NTM: variants seen among roughly 807,000 people sequenced by gnomAD.
NTM encodes neurotrimin, also known as IgLON family member 2.
In NTM, 13 loss-of-function variants were observed where a neutral mutation model predicts 42.1. That is an observed-to-expected ratio of 0.31 (90% CI 0.20 to 0.49). The LOEUF is 0.49. Among genes scored for constraint, NTM ranks in the 20% least tolerant of loss-of-function variants. NTM has a pLI of 0.99. For missense variants in NTM, 373 were observed against 452.8 expected, an observed-to-expected ratio of 0.82 and a Z score of 1.60; for synonymous variants, 187 against 179.2, an observed-to-expected ratio of 1.04 and a Z score of -0.35.
chr11:131,694,990 G>C (rs968138589), intron 1 of NTM, among the ~76,000 whole-genome samples: 4 of 152,178 alleles, frequency 2.6e-5, no homozygotes, highest in Non-Finnish European at 5.9e-5. Flanking sequence ...ATGAAATTGC[G>C]ACCTGCTGCC....
At chr11:131,623,544 A>G (rs893741058) in intron 1 of NTM, among the ~76,000 whole-genome samples, 2 of 152,232 alleles carry the variant, frequency 1.3e-5, no homozygotes, top group African/African-American at 4.8e-5. Context: ...GCATGTTTAA[A>G]TGAAAATTCA....
At chr11:131,980,925 A>G (rs754078069) in intron 2 of NTM, among the ~76,000 whole-genome samples, 1 of 152,174 alleles carries the variant, frequency 6.6e-6, no homozygotes, top group African/African-American at 2.4e-5. Context: ...GTTTATGGGA[A>G]GTACTTTGTT....
chr11:131,846,850 T>G (rs1265490717), intron 1 of NTM, among the ~76,000 whole-genome samples: 1 of 151,882 alleles, frequency 6.6e-6, no homozygotes, highest in Non-Finnish European at 1.5e-5. Context: ...ACAACAGAAA[T>G]GCAGTTATTT....
intron 1 of NTM, chr11:131,539,241 C>T (rs1200892495): frequency 6.6e-6 from 1 of 152,182 alleles, no homozygotes; most frequent in Non-Finnish European, 1.5e-5. Context: ...AAAGCCAATC[C>T]ATCAAGGAGC....
chr11:131,608,511 T>C (rs751378156), intron 1 of NTM, among the ~76,000 whole-genome samples: 18 of 152,350 alleles, frequency 1.2e-4, no homozygotes, highest in Non-Finnish European at 2.4e-4. Flanking sequence ...CATGTGAGGA[T>C]GTCCCATCAT....
chr11:131,469,411 G>A (rs2136167290), intron 1 of NTM, among the ~76,000 whole-genome samples: 1 of 152,320 alleles, frequency 6.6e-6, no homozygotes, highest in South Asian at 2.1e-4. Context: ...GTATAAATGA[G>A]AAAACCACAT....
chr11:131,493,412 T>G (rs972935623), intron 1 of NTM, among the ~76,000 whole-genome samples: 1 of 152,184 alleles, frequency 6.6e-6, no homozygotes, highest in African/African-American at 2.4e-5. Flanking sequence ...CTGCTTTCTC[T>G]GTGTGTTTCG....
At chr11:132,078,856 C>T (rs12272413) in intron 2 of NTM, among the ~76,000 whole-genome samples, 38,631 of 152,190 alleles carry the variant, frequency 0.25, 5,259 homozygotes, top group African/African-American at 0.33. Flanking sequence ...TTCAAAACCT[C>T]TTTCCCCTTT....
intron 1 of NTM, among the ~76,000 whole-genome samples, chr11:131,851,617 T>G (rs2045570964): frequency 6.6e-6 from 1 of 151,612 alleles, no homozygotes; most frequent in African/African-American, 2.4e-5. Context: ...TCTGCAAAGC[T>G]TCTCCTAGCC....
intron 1 of NTM, among the ~76,000 whole-genome samples, chr11:131,392,307 T>C (rs2442103): frequency 1.2e-5 from 1 of 80,310 alleles, no homozygotes; most frequent in Admixed American, 1.2e-4. Context: ...GAAGGGATGG[T>C]AGTCCTGTGT....
chr11:131,492,144 C>T (rs996808800), intron 1 of NTM, among the ~76,000 whole-genome samples: 2 of 152,166 alleles, frequency 1.3e-5, no homozygotes, highest in African/African-American at 4.8e-5. Context: ...CAACTCACAC[C>T]TTTGCATTTG....
intron 4 of NTM, among the ~76,000 whole-genome samples, chr11:132,254,235 C>G (rs1200756770): frequency 6.6e-6 from 1 of 152,074 alleles, no homozygotes; most frequent in Non-Finnish European, 1.5e-5. Flanking sequence ...CCTGCCTGCC[C>G]CTCCCTGGGG....
At chr11:131,670,439 G>T (rs1396194522) in intron 1 of NTM, among the ~76,000 whole-genome samples, 2 of 149,464 alleles carry the variant, frequency 1.3e-5, no homozygotes, top group African/African-American at 4.9e-5. Context: ...TTTTGCTAAG[G>T]AATACATGTC....
At chr11:131,565,047 G>A (rs915885611) in intron 1 of NTM, among the ~76,000 whole-genome samples, 4 of 152,184 alleles carry the variant, frequency 2.6e-5, no homozygotes, top group Non-Finnish European at 5.9e-5. Flanking sequence ...TTCTCACATC[G>A]CAGATGCTTG....
intron 3 of NTM, among the ~76,000 whole-genome samples, chr11:132,172,056 C>T (rs2076190994): frequency 6.6e-6 from 1 of 152,192 alleles, no homozygotes; most frequent in South Asian, 2.1e-4. Flanking sequence ...ACATTGGTGC[C>T]TTAAATTCCA....
At chr11:132,121,046 C>G (rs933899691) in intron 2 of NTM, among the ~76,000 whole-genome samples, 2 of 152,274 alleles carry the variant, frequency 1.3e-5, no homozygotes, top group Non-Finnish European at 2.9e-5. Context: ...CCTTGATATG[C>G]TCATCTGGTT....
intron 1 of NTM, among the ~76,000 whole-genome samples, chr11:131,635,521 C>T (rs978249022): frequency 5.9e-5 from 9 of 151,976 alleles, no homozygotes; most frequent in Admixed American, 1.3e-4. Flanking sequence ...AACTGTATGA[C>T]GTGTGTACTA....
intron 1 of NTM, among the ~76,000 whole-genome samples, chr11:131,886,598 CTA>C (rs2050438913): frequency 6.6e-6 from 1 of 152,238 alleles, no homozygotes; most frequent in Non-Finnish European, 1.5e-5. Context: ...TGCTGTCTTG[CTA>C]ACTCGGCAGG....
chr11:131,858,629 G>A (rs766807050), intron 1 of NTM, among the ~76,000 whole-genome samples: 2 of 152,176 alleles, frequency 1.3e-5, no homozygotes, highest in Non-Finnish European at 2.9e-5. Flanking sequence ...AATAGCAGCC[G>A]CAGGTGCTTT....
Sources: gnomAD v4.1 joint callset for allele counts (sites outside exome capture counted in the v4.1 genomes callset) on GRCh38, gnomAD v4.1.1 for gene constraint, MANE v1.5 for transcripts, NCBI Gene and HGNC (gene_info 2026-07-23, HGNC 2026-07-21) for gene names.